PABPN1L: variants seen among roughly 807,000 people sequenced by gnomAD.
The protein encoded by PABPN1L is PABPN1 like, cytoplasmic.
In PABPN1L, 45 loss-of-function variants were observed where a neutral mutation model predicts 34.0. The observed-to-expected ratio is 1.32, with a 90% confidence interval of 1.04 to 1.70. The LOEUF is 1.70. Ranked by LOEUF, PABPN1L falls within the 40% of genes most tolerant of loss-of-function variation. PABPN1L has a pLI of 0.00. For missense variants in PABPN1L, 459 were observed against 367.8 expected, an observed-to-expected ratio of 1.25 and a Z score of -2.03; for synonymous variants, 182 against 152.1, an observed-to-expected ratio of 1.20 and a Z score of -1.45.
exon 7 of PABPN1L, chr16:88,863,561 T>C: frequency 1.4e-6 from 1 of 720,726 alleles, no homozygotes; most frequent in East Asian, 2.7e-5. Context: ...CTCGTGGCTG[T>C]GGCCTTGGGT....
rs761530042 is a variant in PABPN1L, at chr16:88,864,950, G to A, written c.567-10C>T. 2 of 1,414,566 alleles carry A rather than the reference G, an allele frequency of 1.4e-6. No homozygotes were observed. The highest frequency in any genetic ancestry group is 1.2e-5 in the South Asian group (1 of 85,400). 87.6% of individuals were successfully genotyped at this position (1,414,566 alleles called of 1,614,324 possible). On this transcript the variant is annotated splice_polypyrimidine_tract_variant and intron_variant, in intron 4 of 6. Coordinates refer to ENST00000419291, the Ensembl canonical transcript of PABPN1L. ...CTCTATGTAGGCATAACTGAGGGGA[G>A]GGGCAGGGAGGGGAGGGGTGAGGCT...
chr16:88,865,598 C>T, exon 3 of PABPN1L: 1 of 1,611,588 alleles, frequency 6.2e-7, no homozygotes, highest in South Asian at 1.1e-5. Context: ...TCAGCCTCCA[C>T]CTTCTCCTCG....
At chr16:88,863,656 C>T (rs1446600684) in exon 7 of PABPN1L, 1 of 1,434,064 alleles carries the variant, frequency 7.0e-7, no homozygotes, top group East Asian at 2.5e-5. Context: ...CTCCTCTGGC[C>T]TCGCCCCCGC....
chr16:88,866,877 C>A (rs1020878907), upstream of PABPN1L, among the ~76,000 whole-genome samples: 13 of 152,360 alleles, frequency 8.5e-5, no homozygotes, highest in East Asian at 2.3e-3. Flanking sequence ...CTTCTGCTTC[C>A]GCCTGGCCAC....
upstream of PABPN1L, among the ~76,000 whole-genome samples, chr16:88,869,121 A>G (rs908941889): frequency 6.6e-6 from 1 of 152,190 alleles, no homozygotes; most frequent in Non-Finnish European, 1.5e-5. Context: ...TTCGGCTCCC[A>G]GCTTGACTTT....
At chr16:88,868,537 CAGAGGTT>C (rs1968643184), upstream of PABPN1L, among the ~76,000 whole-genome samples, 1 of 152,080 alleles carries the variant, frequency 6.6e-6, no homozygotes, top group African/African-American at 2.4e-5. Context: ...ACCCGGGAGG[CAGAGGTT>C]GCAGTGAGCC....
intron 6 of PABPN1L, 142 bp from the exon 7 acceptor site, chr16:88,863,937 C>T (rs1968512022): frequency 1.1e-6 from 1 of 932,248 alleles, no homozygotes; most frequent in Non-Finnish European, 1.6e-6. Flanking sequence ...TCTGGTGACT[C>T]CCAGCTGCTC....
At position 88,866,592 on chromosome 16, in the gene PABPN1L, CG is replaced by C; in HGVS notation, c.14del (p.Pro5ArgfsTer88). 1 of 1,548,508 alleles carries C rather than the reference CG, an allele frequency of 6.5e-7. No homozygotes were observed. The highest frequency in any genetic ancestry group is 8.7e-7 in the Non-Finnish European group (1 of 1,145,964). On this transcript the variant is annotated frameshift_variant, in exon 1 of 7. Coordinates refer to ENST00000419291, the Ensembl canonical transcript of PABPN1L. LOFTEE classifies it high-confidence loss of function. ...TCGGGGGTGGGAAGAGAGAGCGGCTCGGGAAGGGCCACATGGTAGAGGGGCA... is the reference window on the plus strand; with the variant it reads ...TCGGGGGTGGGAAGAGAGAGCGGCTCGGAAGGGCCACATGGTAGAGGGGCA...
At chr16:88,864,702 G>A (rs1597639688) in intron 5 of PABPN1L, 151 bp downstream of exon 5, 1 of 940,922 alleles carries the variant, frequency 1.1e-6, no homozygotes. Context: ...TCAGGTCCGA[G>A]GGTCCCGCCA....
chr16:88,865,190 G>A (rs1449090071), intron 3 of PABPN1L, 62 bp from the exon 4 acceptor site: 2 of 1,508,666 alleles, frequency 1.3e-6, no homozygotes, highest in Middle Eastern at 2.1e-4. Flanking sequence ...GGGCCTTCTT[G>A]TTAGAGGTGA....
chr16:88,868,752 G>C (rs1427183924), upstream of PABPN1L, among the ~76,000 whole-genome samples: 1 of 152,336 alleles, frequency 6.6e-6, no homozygotes, highest in East Asian at 1.9e-4. Context: ...CTGATTGGCA[G>C]TCACCAAATG....
upstream of PABPN1L, among the ~76,000 whole-genome samples, chr16:88,869,968 A>G (rs1052503196): frequency 1.3e-5 from 2 of 152,152 alleles, no homozygotes; most frequent in African/African-American, 4.8e-5. Context: ...CGCCCAGGAC[A>G]ACTCCTATTC....
At chr16:88,866,594 G>T (rs1354060441) in exon 1 of PABPN1L, 2 of 1,548,494 alleles carry the variant, frequency 1.3e-6, no homozygotes, top group East Asian at 2.4e-5. Context: ...GAGCGGCTCG[G>T]GAAGGGCCAC....
upstream of PABPN1L, among the ~76,000 whole-genome samples, chr16:88,866,952 G>A (rs918418436): frequency 2.0e-5 from 3 of 152,242 alleles, no homozygotes; most frequent in South Asian, 4.1e-4. Context: ...CACACGGCAC[G>A]AACGCCACAC....
chr16:88,865,992 A>G, intron 1 of PABPN1L, 51 bp from the exon 2 acceptor site: 2 of 1,537,044 alleles, frequency 1.3e-6, no homozygotes, highest in Non-Finnish European at 1.7e-6. Flanking sequence ...GCTCTGCTCA[A>G]GGAAGGTGGG....
At chr16:88,864,561 C>A (rs1968538951) in intron 5 of PABPN1L, among the ~76,000 whole-genome samples, 182 bp from the exon 6 acceptor site, 1 of 133,340 alleles carries the variant, frequency 7.5e-6, no homozygotes, top group African/African-American at 3.1e-5. Flanking sequence ...ACGGCCAGCA[C>A]CCCTGCAGAG....
chr16:88,863,512 G>A (rs1968496146), exon 7 of PABPN1L: 1 of 604,400 alleles, frequency 1.7e-6, no homozygotes, highest in Admixed American at 2.6e-5. Context: ...AGATCCCCGT[G>A]GGGCCCATGC....
chr16:88,864,726 C>A (rs1968545828), intron 5 of PABPN1L, 127 bp downstream of exon 5: 1 of 1,117,156 alleles, frequency 9.0e-7, no homozygotes. Flanking sequence ...CCTGTCCAGG[C>A]CCAGCCAAGC....
chr16:88,864,736 C>T (rs1968545966), intron 5 of PABPN1L, 117 bp downstream of exon 5: 2 of 1,177,434 alleles, frequency 1.7e-6, no homozygotes, highest in East Asian at 2.6e-5. Context: ...CCCAGCCAAG[C>T]ACCGTGCCTG....
Sources: gnomAD v4.1 joint callset for allele counts (sites outside exome capture counted in the v4.1 genomes callset) on GRCh38, gnomAD v4.1.1 for gene constraint, MANE v1.5 for transcripts, NCBI Gene and HGNC (gene_info 2026-07-23, HGNC 2026-07-21) for gene names.